GABRG3: variants seen among roughly 807,000 people sequenced by gnomAD.
GABRG3 encodes the protein gamma-aminobutyric acid type A receptor subunit gamma3.
Under a neutral mutation model 48.8 loss-of-function variants are expected in GABRG3, and 25 were observed. The observed-to-expected ratio is 0.51, with a 90% CI of 0.37 to 0.72. GABRG3 has a LOEUF of 0.72. Ranked by LOEUF, GABRG3 falls within the 30% of genes least tolerant of loss-of-function variation. GABRG3 has a pLI of 0.00. For missense variants in GABRG3, 394 were observed against 577.9 expected (o/e 0.68, Z 3.26); for synonymous variants, 227 against 217.6 (o/e 1.04, Z -0.38).
intron 3 of GABRG3, among the ~76,000 whole-genome samples, chr15:27,060,280 C>A (rs1896622506): frequency 6.6e-6 from 1 of 152,214 alleles, no homozygotes. Context: ...TATTTGAATG[C>A]AGCCCACTGG....
intron 3 of GABRG3, among the ~76,000 whole-genome samples, chr15:27,219,285 C>A (rs149028220): frequency 6.6e-6 from 1 of 152,098 alleles, no homozygotes; most frequent in East Asian, 1.9e-4. Context: ...GGCCTTGGGG[C>A]GGGCTGGGTT....
chr15:27,308,993 C>G (rs1034834980), intron 3 of GABRG3, among the ~76,000 whole-genome samples: 59 of 149,334 alleles, frequency 4.0e-4, no homozygotes, highest in African/African-American at 1.3e-3. Flanking sequence ...TATATGAAAA[C>G]ACATATAATG....
chr15:27,426,456 C>T (rs183232755), intron 5 of GABRG3, among the ~76,000 whole-genome samples: 34 of 152,294 alleles, frequency 2.2e-4, no homozygotes, highest in Non-Finnish European at 4.1e-4. Context: ...CAACCTCTAA[C>T]TCAGCCAAAG....
At chr15:27,381,057 G>T (rs905648752) in intron 5 of GABRG3, among the ~76,000 whole-genome samples, 3 of 152,110 alleles carry the variant, frequency 2.0e-5, no homozygotes, top group Admixed American at 2.0e-4. Context: ...GAGCCACCGC[G>T]CCTGGCCTCT....
At chr15:27,018,321 C>G (rs1895816102) in intron 2 of GABRG3, among the ~76,000 whole-genome samples, 2 of 152,172 alleles carry the variant, frequency 1.3e-5, no homozygotes, top group African/African-American at 4.8e-5. Flanking sequence ...TTTCGAGTAC[C>G]TACCCATCAG....
At chr15:27,530,093 C>T (rs949215744) in intron 9 of GABRG3, among the ~76,000 whole-genome samples, 1 of 152,072 alleles carries the variant, frequency 6.6e-6, no homozygotes, top group Admixed American at 6.5e-5. Context: ...GCCACCGTTA[C>T]CAATAGAAAG....
chr15:27,333,928 T>C (rs956474283), intron 5 of GABRG3, among the ~76,000 whole-genome samples: 3 of 152,240 alleles, frequency 2.0e-5, no homozygotes, highest in Non-Finnish European at 4.4e-5. Context: ...TTTGGTCATT[T>C]AGTTCCTCAT....
intron 3 of GABRG3, among the ~76,000 whole-genome samples, chr15:27,184,132 A>C (rs1193314245): frequency 6.6e-6 from 1 of 152,262 alleles, no homozygotes; most frequent in Non-Finnish European, 1.5e-5. Context: ...GTTTTAGCGA[A>C]GTGACAAGAC....
chr15:27,384,378 GATTC>G (rs1895862210), intron 5 of GABRG3, among the ~76,000 whole-genome samples: 1 of 152,162 alleles, frequency 6.6e-6, no homozygotes. Context: ...TAAGTGAAAT[GATTC>G]CAGTCATCCT....
intron 3 of GABRG3, among the ~76,000 whole-genome samples, chr15:27,306,649 CATATATATGAACATGTTT>C (rs1892491861): frequency 9.2e-5 from 6 of 65,164 alleles, no homozygotes; most frequent in African/African-American, 3.8e-4. Context: ...TATATATAAA[CATATATATGAACATGTTT>C]ATATATAAAC....
intron 3 of GABRG3, among the ~76,000 whole-genome samples, chr15:27,316,374 C>T (rs1430173698): frequency 2.7e-4 from 32 of 120,252 alleles, no homozygotes; most frequent in African/African-American, 1.0e-3. Flanking sequence ...GGCGACAGAG[C>T]GAGACTCCGT....
chr15:27,189,301 C>CTA (rs535571748), intron 3 of GABRG3, among the ~76,000 whole-genome samples: 7,222 of 152,034 alleles, frequency 0.048, 224 homozygotes, highest in South Asian at 0.079. Flanking sequence ...GGCATTGAAT[C>CTA]TATAAATTAC....
intron 3 of GABRG3, among the ~76,000 whole-genome samples, chr15:27,228,836 A>G (rs1487782559): frequency 1.3e-5 from 2 of 151,966 alleles, no homozygotes; most frequent in Admixed American, 1.3e-4. Context: ...GCTTTTCTTC[A>G]TGTTTGTTTG....
At chr15:27,012,781 T>G (rs1297164345) in intron 2 of GABRG3, among the ~76,000 whole-genome samples, 1 of 152,312 alleles carries the variant, frequency 6.6e-6, no homozygotes. Context: ...GCACTGTGAT[T>G]TAAATGCTAA....
intron 3 of GABRG3, among the ~76,000 whole-genome samples, chr15:27,149,456 TC>T (rs1898270311): frequency 6.6e-6 from 1 of 152,066 alleles, no homozygotes; most frequent in African/African-American, 2.4e-5. Context: ...AATCTCAGCC[TC>T]CTTTTTTTTG....
chr15:27,094,527 G>C (rs1040639579), intron 3 of GABRG3, among the ~76,000 whole-genome samples: 2 of 152,188 alleles, frequency 1.3e-5, no homozygotes, highest in African/African-American at 4.8e-5. Context: ...TGGATTCTAA[G>C]AAAAGCTTCT....
At chr15:27,466,352 G>T (rs1329154565) in intron 5 of GABRG3, among the ~76,000 whole-genome samples, 3 of 152,192 alleles carry the variant, frequency 2.0e-5, no homozygotes, top group Non-Finnish European at 4.4e-5. Flanking sequence ...TGGGACATTG[G>T]TGTGACATAT....
chr15:27,371,204 G>A (rs1409101241), intron 5 of GABRG3, among the ~76,000 whole-genome samples: 2 of 151,832 alleles, frequency 1.3e-5, no homozygotes, highest in Non-Finnish European at 2.9e-5. Context: ...GAACATGTTT[G>A]CTCCCCAACT....
intron 2 of GABRG3, among the ~76,000 whole-genome samples, chr15:27,025,830 G>A (rs1387254811): frequency 6.6e-6 from 1 of 152,214 alleles, no homozygotes; most frequent in Admixed American, 6.5e-5. Flanking sequence ...AGGTTCAGGA[G>A]TCTTGTTCAT....
Sources: allele counts gnomAD v4.1 joint callset (sites outside exome capture counted in the v4.1 genomes callset), GRCh38; gene constraint gnomAD v4.1.1; transcripts MANE v1.5; gene names NCBI Gene and HGNC (gene_info 2026-07-23, HGNC 2026-07-21).